Variants in GIGYF2 observed in about 807,000 individuals in gnomAD.
The protein encoded by GIGYF2 is GRB10-interacting GYF protein 2.
Under a neutral mutation model 208.1 loss-of-function variants are expected in GIGYF2, and 25 were observed. That is an observed-to-expected ratio of 0.12 (90% CI 0.09 to 0.17). The LOEUF (loss-of-function observed/expected upper bound fraction) is 0.17. Ranked by LOEUF, GIGYF2 falls within the 10% of genes least tolerant of loss-of-function variation. The pLI, the probability that GIGYF2 is intolerant of heterozygous loss-of-function variation, is 1.00. For missense variants in GIGYF2, 1,302 were observed against 1,579.4 expected (o/e 0.82, Z 2.98); for synonymous variants, 534 against 543.8 (o/e 0.98, Z 0.25).
chr2:232,789,723 C>G (rs188973258), intron 9 of GIGYF2, among the ~76,000 whole-genome samples: 152 of 152,092 alleles, frequency 1.0e-3, no homozygotes, highest in African/African-American at 3.6e-3. Flanking sequence ...TTTTTCTTAT[C>G]CCCCACAGAG....
At chr2:232,830,641 T>G (rs1217538835) in intron 21 of GIGYF2, among the ~76,000 whole-genome samples, 1 of 152,146 alleles carries the variant, frequency 6.6e-6, no homozygotes, top group Non-Finnish European at 1.5e-5. Flanking sequence ...ATTGAGATTT[T>G]TAAAGCTTTT....
intron 21 of GIGYF2, among the ~76,000 whole-genome samples, chr2:232,830,306 T>G (rs1701391149): frequency 1.3e-5 from 2 of 152,090 alleles, no homozygotes; most frequent in African/African-American, 4.8e-5. Flanking sequence ...CTTTTTTTCG[T>G]TTTTAGTTCA....
intron 2 of GIGYF2, among the ~76,000 whole-genome samples, chr2:232,713,588 A>G (rs747631914): frequency 1.2e-4 from 18 of 152,168 alleles, no homozygotes; most frequent in Non-Finnish European, 2.2e-4. Context: ...AATTGTACCT[A>G]GTGTCTTTTT....
intron 2 of GIGYF2, among the ~76,000 whole-genome samples, chr2:232,716,265 A>T (rs1351452753): frequency 6.6e-6 from 1 of 151,930 alleles, no homozygotes; most frequent in South Asian, 2.1e-4. Context: ...GAAGATCTAC[A>T]TTCTTTTAGC....
Position 232,856,929 on chromosome 2 carries a change from C to A in GIGYF2, c.*69C>A. 1.0e-6 allele frequency: 1 copy of A among 969,172 alleles called. No individual in the cohort carries two copies. Among genetic ancestry groups the A allele is most frequent in the African/African-American group, 1.6e-5 (1 of 62,952 alleles). The allele number at this position is 969,172 out of a possible 1,614,324, so 60.0% of individuals were successfully genotyped here. A position where few individuals can be genotyped will look rare whatever the true frequency, so the allele number is the denominator to read the frequency against. The stretch of plus-strand genomic sequence containing the variant: ...ATGGAGTCTCCACCTTTGGACACAA[C>A]ACTTACTCACCATTTACTCTTTATC... On this transcript the variant is annotated 3_prime_UTR_variant, in exon 29 of 29. Transcript: ENST00000373563.
At chr2:232,768,147 A>G (rs1699050605) in intron 8 of GIGYF2, 2 of 1,599,102 alleles carry the variant, frequency 1.3e-6, no homozygotes, top group Non-Finnish European at 1.7e-6. Context: ...AAGTAGCTGC[A>G]TAACTGGCTG....
intron 18 of GIGYF2, among the ~76,000 whole-genome samples, chr2:232,813,921 C>T (rs536765728): frequency 2.3e-5 from 3 of 131,876 alleles, no homozygotes; most frequent in Non-Finnish European, 3.1e-5. Flanking sequence ...AGAGTCTTGC[C>T]GTGTTGCTGA....
At chr2:232,785,356 A>G (rs1461200028) in intron 8 of GIGYF2, among the ~76,000 whole-genome samples, 6 of 152,122 alleles carry the variant, frequency 3.9e-5, no homozygotes, top group Non-Finnish European at 7.3e-5. Context: ...GCTGCACTCA[A>G]GGTGTCAGCC....
At chr2:232,709,432 T>C (rs59058467) in intron 2 of GIGYF2, among the ~76,000 whole-genome samples, 2,322 of 152,306 alleles carry the variant, frequency 0.015, 69 homozygotes, top group African/African-American at 0.053. Flanking sequence ...AAAGTGATTC[T>C]CGGGCTTCAG....
Position 232,795,060 on chromosome 2 carries a change from C to G in GIGYF2, c.1479+116C>G. On this transcript the variant is annotated intron_variant, in intron 13 of 28. Transcript: ENST00000373563. ...CACTAGATTTTAAGTACTGGAAAAA[C>G]TGGATATTTAGTGTTTATTTGTACA... The G allele has an allele frequency of 6.3e-6, 5 of 798,548 alleles. No homozygotes were observed. The South Asian group carries it at 6.9e-5, about 11-fold the overall frequency. The allele number at this position is 798,548 out of a possible 1,614,324, so 49.5% of individuals were successfully genotyped here. A position where few individuals can be genotyped will look rare whatever the true frequency, so the allele number is the denominator to read the frequency against.
intron 8 of GIGYF2, chr2:232,766,057 C>T: frequency 2.1e-6 from 1 of 470,734 alleles, no homozygotes; most frequent in South Asian, 1.6e-5. Context: ...TCCATTGTTA[C>T]TTCCTTTTCC....
intron 28 of GIGYF2, among the ~76,000 whole-genome samples, chr2:232,851,718 C>T (rs1690341566): frequency 1.3e-5 from 2 of 152,188 alleles, no homozygotes; most frequent in Admixed American, 1.3e-4. Flanking sequence ...CCACGCCCGG[C>T]CCTAAAATTA....
In GIGYF2 at chr2:232,811,310, G is replaced by C; in HGVS notation, c.1965G>C (p.Gln655His). 3 of 1,612,390 alleles carry C rather than the reference G, an allele frequency of 1.9e-6. No individual in the cohort carries two copies. Among genetic ancestry groups the C allele is most frequent in the Non-Finnish European group, 2.5e-6 (3 of 1,178,490 alleles). The change falls in exon 17 of 29, where the codon CAG (glutamine) becomes CAC (histidine). Residue 655 changes from glutamine (Q) to histidine (H), a missense_variant. Physicochemically the swap from Gln to His is conservative, Grantham distance 24. Coordinates refer to ENST00000373563, the MANE Select transcript of GIGYF2 (RefSeq NM_001103146.3). ...KAALSSQQQQ[Q>H]LALLLQQFQT... ...CACTGTCTTCCCAGCAGCAGCAGCA[G>C]TTGGCACTTCTTCTTCAACAGTTTC...
At chr2:232,717,753 A>G (rs1445020540) in intron 2 of GIGYF2, among the ~76,000 whole-genome samples, 1 of 151,962 alleles carries the variant, frequency 6.6e-6, no homozygotes, top group South Asian at 2.1e-4. Flanking sequence ...CAAGAGAGAG[A>G]GAGAGGAGGG....
chr2:232,768,018 T>A, intron 8 of GIGYF2: 1 of 639,998 alleles, frequency 1.6e-6, no homozygotes, highest in Non-Finnish European at 2.7e-6. Context: ...TAGAGTGTTA[T>A]GTTTCCAGAA....
chr2:232,704,336 A>G (rs1055921086), intron 2 of GIGYF2, among the ~76,000 whole-genome samples: 9 of 152,200 alleles, frequency 5.9e-5, no homozygotes, highest in South Asian at 2.1e-4. Flanking sequence ...ATGCCTATCT[A>G]TCTTTTGGTG....
At chr2:232,737,334 G>A (rs1455307496) in intron 3 of GIGYF2, among the ~76,000 whole-genome samples, 1 of 152,128 alleles carries the variant, frequency 6.6e-6, no homozygotes, top group Non-Finnish European at 1.5e-5. Flanking sequence ...TTGAATTGAG[G>A]TAGCCTTAAA....
At chr2:232,852,772 CTG>C (rs1291328594) in intron 28 of GIGYF2, among the ~76,000 whole-genome samples, 1 of 152,164 alleles carries the variant, frequency 6.6e-6, no homozygotes, top group Admixed American at 6.5e-5. Context: ...TAAATTCTAA[CTG>C]TGGGTTCTAG....
chr2:232,787,027 AT>A (rs10714136), intron 8 of GIGYF2, 122 bp from the exon 9 acceptor site: 735,155 of 736,300 alleles, frequency 1, 367,008 homozygotes, highest in East Asian at 1. Flanking sequence ...TATTTTAGTG[AT>A]TTTTTTCTGA....
Sources: allele counts gnomAD v4.1 joint callset (sites outside exome capture counted in the v4.1 genomes callset), GRCh38; gene constraint gnomAD v4.1.1; transcripts MANE v1.5; gene names NCBI Gene and HGNC (gene_info 2026-07-23, HGNC 2026-07-21).